Variants in CLPTM1 observed in about 807,000 individuals in gnomAD.
CLPTM1 encodes CLPTM1 regulator of GABA type A receptor forward trafficking.
A neutral mutation model predicts 77.3 loss-of-function variants in CLPTM1; 21 were observed. That is an observed-to-expected ratio of 0.27 (90% CI 0.19 to 0.39). CLPTM1 has a LOEUF of 0.39. CLPTM1 is among the 10% of genes least tolerant of loss of function. CLPTM1 has a pLI of 1.00. For missense variants in CLPTM1, 642 were observed against 921.2 expected (o/e 0.70, Z 3.92); for synonymous variants, 373 against 381.0 (o/e 0.98, Z 0.24).
At chr19:44,956,029 G>A (rs886979002) in intron 1 of CLPTM1, among the ~76,000 whole-genome samples, 2 of 152,184 alleles carry the variant, frequency 1.3e-5, no homozygotes, top group Non-Finnish European at 2.9e-5. Context: ...ACAGGGACTG[G>A]TATGGTTGTG....
intron 5 of CLPTM1, among the ~76,000 whole-genome samples, chr19:44,981,133 G>T (rs770540575): frequency 1.3e-5 from 2 of 148,972 alleles, no homozygotes; most frequent in African/African-American, 2.5e-5. Context: ...GAGCCAGCGC[G>T]CCTGGCCTAT....
chr19:44,993,182 G>T lies in CLPTM1; in HGVS notation c.*285G>T. The stretch of plus-strand genomic sequence containing the variant: ...TGAAGCTGATGCAGCGTTGCCGAGG[G>T]GGTGGGTTGGGCGGGGGTGGGGCCG... On this transcript the variant is annotated 3_prime_UTR_variant, in exon 14 of 14. Transcript: ENST00000337392. 1.7e-6 allele frequency: 1 copy of T among 576,210 alleles called. No individual in the cohort carries two copies. The highest frequency in any genetic ancestry group is 3.3e-6 in the Non-Finnish European group (1 of 304,704). 35.7% of individuals were successfully genotyped at this position (576,210 alleles called of 1,614,324 possible).
At chr19:44,979,564 G>A (rs552190187) in intron 5 of CLPTM1, among the ~76,000 whole-genome samples, 16 of 152,190 alleles carry the variant, frequency 1.1e-4, no homozygotes, top group African/African-American at 3.6e-4. Context: ...ACTTCTTTTA[G>A]TACAAAAATA....
chr19:44,955,825 C>T (rs76904536), intron 1 of CLPTM1: 3,743 of 235,056 alleles, frequency 0.016, 53 homozygotes, highest in Admixed American at 0.025. Context: ...GTTCAGGTCT[C>T]GTTGTAGTGT....
Position 44,990,694 on chromosome 19 carries a change from C to A in CLPTM1, c.1323+109C>A. 1 of 1,391,106 alleles carries A rather than the reference C, an allele frequency of 7.2e-7. No homozygotes were observed. Among genetic ancestry groups the A allele is most frequent in the Admixed American group, 1.8e-5 (1 of 55,336 alleles). 86.2% of individuals were successfully genotyped at this position (1,391,106 alleles called of 1,614,324 possible). ...CCCGGGGGATTCCCAGCAAGTGCCT[C>A]ACTCCCAGGACTGAGGGGATTTTCT... On this transcript the variant is annotated intron_variant, in intron 10 of 13. Transcript: ENST00000337392. This position sits in a 1 kb window ranked among gnomAD's most constrained non-coding sequence, Gnocchi z 4.8.
chr19:44,964,290 A>G (rs1404105519), intron 2 of CLPTM1, among the ~76,000 whole-genome samples: 5 of 85,876 alleles, frequency 5.8e-5, no homozygotes, highest in Non-Finnish European at 1.3e-4. Flanking sequence ...CTATGTTTTC[A>G]TTTTAACCTT....
chr19:44,955,013 G>C (rs1600000291), upstream of CLPTM1: 2 of 1,535,712 alleles, frequency 1.3e-6, no homozygotes, highest in East Asian at 4.9e-5. Flanking sequence ...AAGAAACATG[G>C]AACGAAAAGG....
At chr19:44,959,634 G>A (rs985258697) in intron 1 of CLPTM1, among the ~76,000 whole-genome samples, 14 of 152,204 alleles carry the variant, frequency 9.2e-5, no homozygotes, top group Admixed American at 3.9e-4. Context: ...GATTATAGGC[G>A]TGAGCCACTG....
Position 44,991,604 on chromosome 19 carries a change from G to T in CLPTM1, c.1555+231G>T, listed in dbSNP as rs1360489938. On this transcript the variant is annotated intron_variant, in intron 12 of 13. Transcript: ENST00000337392. This position sits in a 1 kb window ranked among gnomAD's most constrained non-coding sequence, Gnocchi z 5.4. ...TTCTCAGGGGGCCTTTGTGTCTTGGGAACAAGTAAACAAGTAGGGCCAGGT... is the reference window on the plus strand; with the variant it reads ...TTCTCAGGGGGCCTTTGTGTCTTGGTAACAAGTAAACAAGTAGGGCCAGGT... Among the ~76,000 whole-genome samples the T allele has an allele frequency of 1.3e-5, 2 of 152,114 alleles. No homozygotes were observed. The highest frequency in any genetic ancestry group is 4.8e-5 in the African/African-American group (2 of 41,428).
At chr19:44,989,116 T>C (rs934156874) in intron 9 of CLPTM1, among the ~76,000 whole-genome samples, 2 of 152,100 alleles carry the variant, frequency 1.3e-5, no homozygotes, top group African/African-American at 4.8e-5. Context: ...CCGTGAGCCA[T>C]GATCACACCA....
At chr19:44,980,508 C>CAAAAAAAAA (rs74516090) in intron 5 of CLPTM1, among the ~76,000 whole-genome samples, 1 of 93,092 alleles carries the variant, frequency 1.1e-5, no homozygotes, top group Non-Finnish European at 2.2e-5. Flanking sequence ...GACTCCATCT[C>CAAAAAAAAA]AAAAAAAAAA....
At chr19:44,965,322 AC>A (rs1478883249) in intron 2 of CLPTM1, among the ~76,000 whole-genome samples, 1 of 150,746 alleles carries the variant, frequency 6.6e-6, no homozygotes, top group Non-Finnish European at 1.5e-5. Context: ...ATATGGTGAA[AC>A]CCCATCTCTA....
chr19:44,973,317 G>A, intron 3 of CLPTM1, 107 bp downstream of exon 3: 1 of 1,481,812 alleles, frequency 6.7e-7, no homozygotes, highest in East Asian at 2.4e-5. Context: ...TTGCTCACTG[G>A]CAGGTCTAGG....
At chr19:44,959,741 C>T (rs1430697685) in intron 1 of CLPTM1, among the ~76,000 whole-genome samples, 3 of 152,208 alleles carry the variant, frequency 2.0e-5, no homozygotes, top group Non-Finnish European at 4.4e-5. Flanking sequence ...TGTTCAATAA[C>T]TGCCATATTT....
At chr19:44,965,325 C>A (rs1970610302) in intron 2 of CLPTM1, among the ~76,000 whole-genome samples, 1 of 150,044 alleles carries the variant, frequency 6.7e-6, no homozygotes, top group African/African-American at 2.5e-5. Flanking sequence ...TGGTGAAACC[C>A]CATCTCTACT....
rs1279181984 is a variant in CLPTM1 at position 44,955,768 on chromosome 19, C to CA, written c.72+303dup. ...CTTGTACCTTGGCGCGCTGGGTTCT[C>CA]AACTCCGCGATTCCATGCTCTGAGG... On this transcript the variant is annotated intron_variant, in intron 1 of 13. Coordinates refer to ENST00000337392, the MANE Select transcript of CLPTM1 (RefSeq NM_001294.4). The CA allele has an allele frequency of 2.1e-5, 7 of 326,918 alleles. No homozygotes were observed. The Admixed American group carries it at 2.5e-4, about 12-fold the overall frequency. The allele number at this position is 326,918 out of a possible 1,614,324, so 20.3% of individuals were successfully genotyped here. A position where few individuals can be genotyped will look rare whatever the true frequency, so the allele number is the denominator to read the frequency against.
In CLPTM1 at chr19:44,990,060, A is replaced by C; in HGVS notation, c.1133-335A>C. On this transcript the variant is annotated intron_variant, in intron 9 of 13. Transcript: ENST00000337392. This position sits in a 1 kb window ranked among gnomAD's most constrained non-coding sequence, Gnocchi z 4.8. ...ATGCCAGGCTGTTTGGCCTCAGGGA[A>C]GCAGCTTCCCTGACCAGTCCTTAGC... The C allele has an allele frequency of 7.0e-6, 2 of 285,154 alleles. No homozygotes were observed. The highest frequency in any genetic ancestry group is 6.5e-5 in the East Asian group (1 of 15,456). The allele number at this position is 285,154 out of a possible 1,614,324, so 17.7% of individuals were successfully genotyped here. A position where few individuals can be genotyped will look rare whatever the true frequency, so the allele number is the denominator to read the frequency against.
At chr19:44,980,795 A>G (rs1008963876) in intron 5 of CLPTM1, among the ~76,000 whole-genome samples, 1 of 151,662 alleles carries the variant, frequency 6.6e-6, no homozygotes, top group African/African-American at 2.4e-5. Context: ...TCTACAAAAA[A>G]AAATTTTATT....
intron 9 of CLPTM1, among the ~76,000 whole-genome samples, chr19:44,988,700 G>A (rs895884567): frequency 6.6e-6 from 1 of 152,240 alleles, no homozygotes; most frequent in Admixed American, 6.5e-5. Flanking sequence ...GGAGCCAGAG[G>A]CTCAGGGATG....
Sources: allele counts gnomAD v4.1 joint callset (sites outside exome capture counted in the v4.1 genomes callset), GRCh38; gene constraint gnomAD v4.1.1; non-coding constraint Gnocchi (gnomAD v3.1); transcripts MANE v1.5; gene names NCBI Gene and HGNC (gene_info 2026-07-23, HGNC 2026-07-21).